Variants in CDC25A observed in about 807,000 individuals in gnomAD.
CDC25A encodes M-phase inducer phosphatase 1.
Under a neutral mutation model 64.6 loss-of-function variants are expected in CDC25A, and 17 were observed. That is an observed-to-expected ratio of 0.26 (90% CI 0.18 to 0.39). CDC25A has a LOEUF of 0.39. CDC25A is among the 10% of genes least tolerant of loss of function. The probability of loss-of-function intolerance (pLI) is 1.00; values close to 1 mark genes in which losing one functional copy is unlikely to be tolerated. For missense variants in CDC25A, 473 were observed against 654.8 expected (o/e 0.72, Z 3.03); for synonymous variants, 229 against 238.6 (o/e 0.96, Z 0.37).
At position 48,182,938 on chromosome 3, in the gene CDC25A, G is replaced by T. The variant is rs762490889; in HGVS notation, c.420C>A (p.Asn140Lys). Residue 140 changes from asparagine (N) to lysine (K), a missense_variant, in exon 5 of 15, where the codon AAC becomes AAA. Physicochemically the swap from Asn to Lys is moderately conservative, Grantham distance 94 (BLOSUM62 0). This residue lies in a region of CDC25A where 376 missense variants were observed against 431.9 expected (regional missense o/e 0.87). Coordinates refer to ENST00000302506, the MANE Select transcript of CDC25A (RefSeq NM_001789.3). The part of the protein sequence containing the change: ...DIFQLIDPDE[N>K]KENEAFEFKK... ...TTGAAGTCACACTCACATTTTCCTTGTTCTCATCTGGGTCGATGAGCTGAA... is the reference window on the plus strand; with the variant it reads ...TTGAAGTCACACTCACATTTTCCTTTTTCTCATCTGGGTCGATGAGCTGAA... The T allele has an allele frequency of 5.6e-6, 9 of 1,606,802 alleles. No individual in the cohort carries two copies. The highest frequency in any genetic ancestry group is 7.7e-6 in the Non-Finnish European group (9 of 1,173,344).
In CDC25A at chr3:48,182,929, A is replaced by G. The variant is rs1258172061; in HGVS notation, c.429T>C (p.Asn143=). 1.2e-6 allele frequency: 2 copies of G among 1,601,264 alleles called. No homozygotes were observed. Among genetic ancestry groups the G allele is most frequent in the East Asian group, 2.2e-5 (1 of 44,820 alleles). The change falls in exon 5 of 15, where the codon AAT becomes AAC. Residue 143 remains asparagine (N), a splice_region_variant and synonymous_variant. Transcript: ENST00000302506. ...GTTAGTACATTGAAGTCACACTCAC[A>G]TTTTCCTTGTTCTCATCTGGGTCGA... ...QLIDPDENKE[N]EAFEFKKPVR... is the part of the protein sequence containing the mutation.
intron 13 of CDC25A, among the ~76,000 whole-genome samples, chr3:48,160,882 C>T (rs1343582436): frequency 1.3e-5 from 2 of 151,890 alleles, no homozygotes; most frequent in Non-Finnish European, 2.9e-5. Context: ...TGGCTGGGCG[C>T]GGTGGCTCAC....
At position 48,179,448 on chromosome 3, in the gene CDC25A, C is replaced by T. The variant is rs925835441; in HGVS notation, c.549+1273G>A. On this transcript the variant is annotated intron_variant, in intron 6 of 14. Transcript: ENST00000302506. Reference sequence around the variant, plus strand: ...ACAGTGGTCTGATCATAGCTCACTGCAGCCTCGAATTCTTGGGCTCAAGCA... The same window carrying T: ...ACAGTGGTCTGATCATAGCTCACTGTAGCCTCGAATTCTTGGGCTCAAGCA... Among the ~76,000 whole-genome samples, 5 of 152,206 alleles carry T rather than the reference C, an allele frequency of 3.3e-5. No individual in the cohort carries two copies. In the East Asian group the frequency reaches 9.6e-4, roughly 29 times the overall value.
At chr3:48,163,158 C>T (rs2031854218) in intron 13 of CDC25A, among the ~76,000 whole-genome samples, 1 of 151,382 alleles carries the variant, frequency 6.6e-6, no homozygotes, top group African/African-American at 2.4e-5. Context: ...TGGTGCACGC[C>T]TGTTATCCCA....
chr3:48,186,237 C>G (rs1371553704), intron 2 of CDC25A, among the ~76,000 whole-genome samples: 1 of 152,188 alleles, frequency 6.6e-6, no homozygotes, highest in Non-Finnish European at 1.5e-5. Flanking sequence ...TATTTCCTTT[C>G]TTCATAAACA....
chr3:48,165,882 A>T lies in CDC25A; in HGVS notation c.1041T>A (p.Phe347Leu). 1 of 1,596,168 alleles carries T rather than the reference A, an allele frequency of 6.3e-7. No homozygotes were observed. Among genetic ancestry groups the T allele is most frequent in the Non-Finnish European group, 8.6e-7 (1 of 1,163,582 alleles). The change falls in exon 11 of 15, where the codon TTT (phenylalanine) becomes TTA (leucine). Residue 347 changes from phenylalanine to leucine, a missense_variant. Transcript: ENST00000302506. ...CCTGATGTTTCCCAGCAACTGTATG[A>T]AAGAGATAACCCTTAAAAAGAAAAA... The part of the protein sequence containing the change: ...LIGDFSKGYL[F>L]HTVAGKHQDL...
rs3731508 is a variant in CDC25A, at chr3:48,180,412, A to G, written c.549+309T>C. 5.6e-3 allele frequency: 1,236 copies of G among 218,780 alleles called. 9 individuals are homozygous for G. The highest frequency in any genetic ancestry group is 8.2e-3 in the Non-Finnish European group (917 of 112,394). 13.6% of individuals were successfully genotyped at this position (218,780 alleles called of 1,614,324 possible). A position where few individuals can be genotyped will look rare whatever the true frequency, so the allele number is the denominator to read the frequency against. ...CTTAAAAAAAAAAAAAGAAAAAAAG[A>G]AAAAAATAGGAAGAGATATAATCCC... On this transcript the variant is annotated intron_variant, in intron 6 of 14. Coordinates refer to ENST00000302506, the MANE Select transcript of CDC25A (RefSeq NM_001789.3).
chr3:48,169,580 G>C (rs1454466072), intron 9 of CDC25A, among the ~76,000 whole-genome samples: 1 of 152,250 alleles, frequency 6.6e-6, no homozygotes, highest in Non-Finnish European at 1.5e-5. Context: ...AATCTGAAGA[G>C]TAAGAGACCT....
chr3:48,177,423 G>A lies in CDC25A; in HGVS notation c.704C>T (p.Ser235Leu), dbSNP rs368546115. The change falls in exon 8 of 15, where the codon TCG becomes TTG. Residue 235 changes from serine (S) to leucine (L), a missense_variant. By Grantham distance (145) the Ser-to-Leu change is moderately radical. Transcript: ENST00000302506. ...ENLKNEEETP[S>L]CMASLWTAPL... Reference sequence around the variant, plus strand: ...AGCTGTCCAGAGGCTTGCCATGCACGAGGGGGTCTCCTCCTCATTCTAAAG... The same window carrying A: ...AGCTGTCCAGAGGCTTGCCATGCACAAGGGGGTCTCCTCCTCATTCTAAAG... The A allele has an allele frequency of 6.1e-5, 98 of 1,613,708 alleles. No individual in the cohort carries two copies. The highest frequency in any genetic ancestry group is 8.8e-5 in the South Asian group (8 of 91,070).
intron 1 of CDC25A, 54 bp from the exon 2 acceptor site, chr3:48,186,833 C>A: frequency 8.3e-7 from 1 of 1,201,468 alleles, no homozygotes; most frequent in South Asian, 1.3e-5. Flanking sequence ...ATTAAAAGGT[C>A]ACATGCAGGA....
intron 3 of CDC25A, among the ~76,000 whole-genome samples, chr3:48,184,127 G>A (rs192415935): frequency 6.6e-6 from 1 of 152,224 alleles, no homozygotes; most frequent in East Asian, 1.9e-4. Context: ...ATGGGAGGCC[G>A]AGGAGGGTAT....
intron 14 of CDC25A, 24 bp downstream of exon 14, chr3:48,159,320 T>G: frequency 1.3e-6 from 2 of 1,499,600 alleles, no homozygotes; most frequent in Non-Finnish European, 1.9e-6. Context: ...GGAGGAGAGA[T>G]GCTCTCCACA....
At chr3:48,174,542 G>C in intron 8 of CDC25A, 85 bp from the exon 9 acceptor site, 1 of 1,322,848 alleles carries the variant, frequency 7.6e-7, no homozygotes, top group South Asian at 1.4e-5. Flanking sequence ...AAGGTTTCCT[G>C]GGATGATCTA....
chr3:48,178,759 C>G (rs1452980502), intron 6 of CDC25A, among the ~76,000 whole-genome samples: 1 of 152,144 alleles, frequency 6.6e-6, no homozygotes, highest in East Asian at 1.9e-4. Flanking sequence ...ATTAGCCAAC[C>G]TATAGTCATA....
chr3:48,159,967 C>T (rs2031679102), intron 13 of CDC25A, among the ~76,000 whole-genome samples: 2 of 152,084 alleles, frequency 1.3e-5, no homozygotes, highest in South Asian at 2.1e-4. Context: ...TGAAAAAGCC[C>T]GAGGCCCCAA....
At position 48,177,959 on chromosome 3, in the gene CDC25A, T is replaced by C. The variant is rs777212214; in HGVS notation, c.579A>G (p.Glu193=). 1.9e-6 allele frequency: 3 copies of C among 1,613,636 alleles called. No homozygotes were observed. Among genetic ancestry groups the C allele is most frequent in the Non-Finnish European group, 2.5e-6 (3 of 1,179,762 alleles). Reference sequence around the variant, plus strand: ...TAAAAAGAGGAATGAAATTCCCTGGTTCACTGCTATCTCTTTCATTTGAGG... The same window carrying C: ...TAAAAAGAGGAATGAAATTCCCTGGCTCACTGCTATCTCTTTCATTTGAGG... ...MLSSNERDSS[E]PGNFIPLFTP... Residue 193 remains glutamate, a synonymous_variant, in exon 7 of 15, where the codon GAA becomes GAG. Coordinates refer to ENST00000302506, the MANE Select transcript of CDC25A (RefSeq NM_001789.3).
chr3:48,187,278 A>C (rs2032875481), intron 1 of CDC25A, among the ~76,000 whole-genome samples: 1 of 152,246 alleles, frequency 6.6e-6, no homozygotes. Context: ...TTAGGAAAGC[A>C]GCAGAGTGGA....
Position 48,158,011 on chromosome 3 carries a change from C to G in CDC25A, c.*934G>C, listed in dbSNP as rs371942651. On this transcript the variant is annotated 3_prime_UTR_variant, in exon 15 of 15. Coordinates refer to ENST00000302506, the MANE Select transcript of CDC25A (RefSeq NM_001789.3). ...GTGGAGCCCACCTACCCCCACCCCC[C>G]TTCCCTGGGAAACCTACACTGCAAC... 5.9e-5 allele frequency: 9 copies of G among 152,638 alleles called. 1 individual carries two copies. The highest frequency in any genetic ancestry group is 5.2e-4 in the Admixed American group (8 of 15,302). 9.5% of individuals were successfully genotyped at this position (152,638 alleles called of 1,614,324 possible).
intron 13 of CDC25A, among the ~76,000 whole-genome samples, chr3:48,162,378 T>C (rs1409701911): frequency 1.3e-5 from 2 of 151,902 alleles, no homozygotes; most frequent in African/African-American, 4.8e-5. Context: ...CTCGACCTGC[T>C]GGGCTCAAAC....
Sources: gnomAD v4.1 joint callset for allele counts (sites outside exome capture counted in the v4.1 genomes callset) on GRCh38, gnomAD v4.1.1 for gene constraint, gnomAD v4.1.1 regional missense constraint, MANE v1.5 for transcripts, NCBI Gene and HGNC (gene_info 2026-07-23, HGNC 2026-07-21) for gene names.